MYO3B: variants seen among roughly 807,000 people sequenced by gnomAD.
MYO3B encodes myosin-IIIb.
Under a neutral mutation model 174.6 loss-of-function variants are expected in MYO3B, and 156 were observed. The observed-to-expected ratio is 0.89, with a 90% CI of 0.78 to 1.02. MYO3B has a LOEUF of 1.02. Among genes scored for constraint, MYO3B ranks in the 50% least tolerant of loss-of-function variants. The pLI, the probability that MYO3B is intolerant of heterozygous loss-of-function variation, is 0.00. For missense variants in MYO3B, 1,632 were observed against 1,639.4 expected (o/e 1.00, Z 0.08); for synonymous variants, 563 against 569.1 (o/e 0.99, Z 0.15).
chr2:170,349,317 C>T (rs971652957), intron 8 of MYO3B, among the ~76,000 whole-genome samples: 3 of 152,106 alleles, frequency 2.0e-5, no homozygotes, highest in African/African-American at 7.2e-5. Flanking sequence ...TCAAGCCATC[C>T]TGGAATTATT....
intron 32 of MYO3B, among the ~76,000 whole-genome samples, chr2:170,608,177 C>T (rs575981347): frequency 5.3e-5 from 8 of 152,306 alleles, no homozygotes; most frequent in Admixed American, 2.6e-4. Context: ...CACTGCACTA[C>T]AGCCTAGGTG....
chr2:170,304,027 G>A (rs1469419420), intron 7 of MYO3B, among the ~76,000 whole-genome samples: 6 of 152,076 alleles, frequency 3.9e-5, no homozygotes, highest in African/African-American at 1.4e-4. Context: ...TGCCCTTATA[G>A]ATGGGCATTT....
At chr2:170,512,588 T>G (rs886248870) in intron 28 of MYO3B, among the ~76,000 whole-genome samples, 5 of 152,228 alleles carry the variant, frequency 3.3e-5, no homozygotes, top group African/African-American at 1.2e-4. Context: ...AAACAATGCC[T>G]GATCTGTCCT....
chr2:170,381,168 C>G (rs2094332719), intron 9 of MYO3B, among the ~76,000 whole-genome samples: 2 of 151,926 alleles, frequency 1.3e-5, no homozygotes, highest in African/African-American at 2.4e-5. Flanking sequence ...ACAACCCCCC[C>G]CATCGGACTG....
At position 170,524,647 on chromosome 2, in the gene MYO3B, C is replaced by G. The variant is rs1231901956; in HGVS notation, c.3575+5107C>G. On this transcript the variant is annotated intron_variant, in intron 30 of 34. Transcript: ENST00000408978. ...TACAGGTGCGTGCCATAACACCTGG[C>G]TAATTTTTGTGTTTTTAGTGGAGAT... 3.4e-5 allele frequency: 11 copies of G among 324,230 alleles called. No homozygotes were observed. The East Asian group carries it at 1.2e-3, about 37-fold the overall frequency. The allele number at this position is 324,230 out of a possible 1,614,324, so 20.1% of individuals were successfully genotyped here. A position where few individuals can be genotyped will look rare whatever the true frequency, so the allele number is the denominator to read the frequency against.
chr2:170,408,507 T>C (rs28595798), intron 22 of MYO3B: 26,888 of 152,258 alleles, frequency 0.18, 2,723 homozygotes, highest in African/African-American at 0.28. Context: ...CCTTTTAGAA[T>C]GTACCTGGGA....
At chr2:170,532,973 T>C (rs1040035201) in intron 30 of MYO3B, among the ~76,000 whole-genome samples, 1 of 152,192 alleles carries the variant, frequency 6.6e-6, no homozygotes. Context: ...GGATTCCTTA[T>C]ACTATTCTTG....
rs2092838042 is a variant in MYO3B, at chr2:170,217,154, A to G, written c.527-165A>G. 1.3e-5 allele frequency among the ~76,000 whole-genome samples: 2 copies of G among 152,324 alleles called. 1 individual carries two copies. The stretch of plus-strand genomic sequence containing the variant: ...ACATTCATTCATTTATGTGTTTACT[A>G]TGGCTGCTTTTGTACTATTGCAGCA... On this transcript the variant is annotated intron_variant, in intron 5 of 34. Coordinates refer to ENST00000408978, the MANE Select transcript of MYO3B (RefSeq NM_138995.5).
At chr2:170,418,178 G>C (rs1023933841) in intron 22 of MYO3B, among the ~76,000 whole-genome samples, 4 of 152,142 alleles carry the variant, frequency 2.6e-5, no homozygotes, top group Admixed American at 6.5e-5. Flanking sequence ...TCTCATTTGG[G>C]CCAAAAGAGC....
chr2:170,316,166 A>G (rs756537615), intron 7 of MYO3B, among the ~76,000 whole-genome samples: 1 of 152,252 alleles, frequency 6.6e-6, no homozygotes, highest in Non-Finnish European at 1.5e-5. Context: ...ATACATGCAT[A>G]TGCATATAGA....
intron 25 of MYO3B, among the ~76,000 whole-genome samples, chr2:170,487,838 G>A (rs933644642): frequency 6.6e-6 from 1 of 152,130 alleles, no homozygotes; most frequent in Non-Finnish European, 1.5e-5. Flanking sequence ...ACCAAAATGA[G>A]AGGTGCAAAT....
intron 3 of MYO3B, among the ~76,000 whole-genome samples, chr2:170,209,328 T>C (rs1157570880): frequency 6.6e-6 from 1 of 152,166 alleles, no homozygotes; most frequent in African/African-American, 2.4e-5. Context: ...ACCTTAATCA[T>C]TAAAGGCCAT....
At chr2:170,450,871 G>A (rs1395569493) in intron 23 of MYO3B, among the ~76,000 whole-genome samples, 2 of 152,226 alleles carry the variant, frequency 1.3e-5, no homozygotes, top group East Asian at 3.9e-4. Context: ...CCACATCAGT[G>A]TGCTTTTATT....
intron 8 of MYO3B, chr2:170,344,473 G>A (rs1183445523): frequency 1.4e-5 from 2 of 140,790 alleles, no homozygotes; most frequent in South Asian, 5.3e-4. Flanking sequence ...CTCGGTTGGG[G>A]GGGTGGGGGG....
At chr2:170,430,697 T>A (rs2094702022) in intron 22 of MYO3B, among the ~76,000 whole-genome samples, 1 of 152,128 alleles carries the variant, frequency 6.6e-6, no homozygotes, top group South Asian at 2.1e-4. Flanking sequence ...CATATAAACA[T>A]CTCACCTGAG....
chr2:170,358,579 G>C (rs2105635197), intron 8 of MYO3B, among the ~76,000 whole-genome samples: 1 of 152,276 alleles, frequency 6.6e-6, no homozygotes, highest in East Asian at 1.9e-4. Context: ...GAACTGTATA[G>C]TATGTGAACT....
chr2:170,618,255 C>T lies in MYO3B; in HGVS notation c.3734-33373C>T, dbSNP rs573802714. 2.6e-3 allele frequency among the ~76,000 whole-genome samples: 391 copies of T among 152,244 alleles called. 1 individual carries two copies. Among genetic ancestry groups the T allele is most frequent in the South Asian group, 5.2e-3 (25 of 4,822 alleles). ...TCGATAGGAGCATCCATCCATGTCA[C>T]GGCTCGAATAAGAGGAGGAAAAGGA... is the stretch of plus-strand genomic sequence containing the variant. On this transcript the variant is annotated intron_variant, in intron 32 of 34. Coordinates refer to ENST00000408978, the MANE Select transcript of MYO3B (RefSeq NM_138995.5).
rs2105796830 is a variant in MYO3B at position 170,401,691 on chromosome 2, G to A, written c.2129G>A (p.Cys710Tyr). Residue 710 changes from cysteine to tyrosine, a missense_variant and splice_region_variant, in exon 18 of 35, where the codon TGT becomes TAT. Cys to Tyr is a radical substitution (Grantham distance 194, BLOSUM62 -2). Transcript: ENST00000408978. ...CTCCTGCAGCCAGACGAAAACATAT[G>A]GCAAGTTCCTCGGAGAGCAGAGGGT... ...NTLLQPDENI[C>Y]SAGGGMNVGI... 6.2e-7 allele frequency: 1 copy of A among 1,613,156 alleles called. No homozygotes were observed. Among genetic ancestry groups the A allele is most frequent in the Non-Finnish European group, 8.5e-7 (1 of 1,179,912 alleles).
intron 7 of MYO3B, among the ~76,000 whole-genome samples, chr2:170,333,492 C>T (rs1204107921): frequency 6.6e-5 from 10 of 152,244 alleles, no homozygotes; most frequent in Admixed American, 5.9e-4. Flanking sequence ...TAACTAAATT[C>T]GTATGCAGAA....
Sources: allele counts gnomAD v4.1 joint callset (sites outside exome capture counted in the v4.1 genomes callset), GRCh38; gene constraint gnomAD v4.1.1; transcripts MANE v1.5; gene names NCBI Gene and HGNC (gene_info 2026-07-23, HGNC 2026-07-21).